SPSB1: variants seen among roughly 807,000 people sequenced by gnomAD.
SPSB1 encodes the protein SPRY domain-containing SOCS box protein 1.
In SPSB1, 8 loss-of-function variants were observed where a neutral mutation model predicts 21.2. The observed-to-expected ratio is 0.38, with a 90% CI of 0.22 to 0.68. The LOEUF (loss-of-function observed/expected upper bound fraction) is 0.68. SPSB1 is among the 30% of genes least tolerant of loss of function. SPSB1 has a pLI of 0.53. For synonymous variants in SPSB1, 169 were observed against 161.7 expected, an observed-to-expected ratio of 1.05 and a Z score of -0.34; for missense variants, 242 against 377.8, an observed-to-expected ratio of 0.64 and a Z score of 2.98.
chr1:9,339,037 C>A (rs976931388), intron 1 of SPSB1, among the ~76,000 whole-genome samples: 13 of 152,148 alleles, frequency 8.5e-5, no homozygotes, highest in African/African-American at 2.9e-4. Flanking sequence ...GTTCTCCAGG[C>A]CAGTGGTAAC....
rs561406278 is a variant in SPSB1 at position 9,305,506 on chromosome 1, G to A, written c.-150+12435G>A. ...CACAGTAGGTTCTTGGACACCTGTCGGATGAAGGAGTAGGTAAGACCGGTG... is the reference window on the plus strand; with the variant it reads ...CACAGTAGGTTCTTGGACACCTGTCAGATGAAGGAGTAGGTAAGACCGGTG... On this transcript the variant is annotated intron_variant, in intron 1 of 2. Transcript: ENST00000328089. The surrounding 1 kb of genome is among the most constrained non-coding windows in gnomAD (Gnocchi z 4.8). Among the ~76,000 whole-genome samples, 6 of 151,190 alleles carry A rather than the reference G, an allele frequency of 4.0e-5. No homozygotes were observed. In the East Asian group the frequency reaches 7.7e-4, roughly 19 times the overall value.
chr1:9,358,137 C>CG (rs908549985), intron 2 of SPSB1, among the ~76,000 whole-genome samples: 5 of 152,206 alleles, frequency 3.3e-5, no homozygotes, highest in Non-Finnish European at 7.3e-5. Context: ...TCCTCCTCCC[C>CG]CACGTCAGCC....
chr1:9,307,769 T>C (rs1639444057), intron 1 of SPSB1, among the ~76,000 whole-genome samples: 1 of 152,242 alleles, frequency 6.6e-6, no homozygotes, highest in African/African-American at 2.4e-5. Flanking sequence ...CGTTGATCTA[T>C]TAAAAATGAC....
intron 1 of SPSB1, among the ~76,000 whole-genome samples, chr1:9,309,805 G>A (rs1639487573): frequency 6.6e-6 from 1 of 152,212 alleles, no homozygotes; most frequent in Admixed American, 6.5e-5. Context: ...CTGCACCATT[G>A]CACTCCAGCC....
At chr1:9,296,600 A>ATACACAAACGTGTGCATGCACACG (rs1254236350) in intron 1 of SPSB1, among the ~76,000 whole-genome samples, 13 of 152,232 alleles carry the variant, frequency 8.5e-5, no homozygotes, top group African/African-American at 2.7e-4. Flanking sequence ...GTACACACAC[A>ATACACAAACGTGTGCATGCACACG]TACATATGCA....
rs577230353 is a variant in SPSB1 at position 9,343,999 on chromosome 1, A to G, written c.-149-11744A>G. 2.4e-3 allele frequency among the ~76,000 whole-genome samples: 367 copies of G among 152,292 alleles called. 2 individuals are homozygous for G. The highest frequency in any genetic ancestry group is 6.0e-3 in the South Asian group (29 of 4,826). On this transcript the variant is annotated intron_variant, in intron 1 of 2. Transcript: ENST00000328089. ...GAGATGGGGTTTCACCGTGTTAGCC[A>G]GGATGGTCTCGATCTCCTGACCTTG...
intron 1 of SPSB1, among the ~76,000 whole-genome samples, chr1:9,314,334 C>T (rs1042427996): frequency 9.2e-5 from 14 of 152,146 alleles, no homozygotes; most frequent in African/African-American, 3.4e-4. Flanking sequence ...ATATACAAGG[C>T]AGCTCTCTGG....
In SPSB1 at chr1:9,368,787, C is replaced by T. The variant is rs1640618245; in HGVS notation, c.*1212C>T. 3 of 152,158 alleles carry T rather than the reference C, an allele frequency of 2.0e-5. No homozygotes were observed. Among genetic ancestry groups the T allele is most frequent in the South Asian group, 4.2e-4 (2 of 4,800 alleles). The allele number at this position is 152,158 out of a possible 1,614,324, so 9.4% of individuals were successfully genotyped here. A position where few individuals can be genotyped will look rare whatever the true frequency, so the allele number is the denominator to read the frequency against. On this transcript the variant is annotated 3_prime_UTR_variant, in exon 3 of 3. Coordinates refer to ENST00000328089, the MANE Select transcript of SPSB1 (RefSeq NM_025106.4). The stretch of plus-strand genomic sequence containing the variant: ...CCAGCGCGGGTCTCTGCTCAGCACC[C>T]CAGCCGGGGCTCTGGACCCAGGGTA...
chr1:9,347,222 A>G (rs561764181), intron 1 of SPSB1, among the ~76,000 whole-genome samples: 1 of 152,324 alleles, frequency 6.6e-6, no homozygotes, highest in South Asian at 2.1e-4. Flanking sequence ...ACCTTCATGG[A>G]TAAAGCATTC....
Position 9,346,219 on chromosome 1 carries a change from G to C in SPSB1, c.-149-9524G>C, listed in dbSNP as rs1194760830. Among the ~76,000 whole-genome samples, 1 of 152,254 alleles carries C rather than the reference G, an allele frequency of 6.6e-6. No individual in the cohort carries two copies. The highest frequency in any genetic ancestry group is 1.5e-5 in the Non-Finnish European group (1 of 68,048). On this transcript the variant is annotated intron_variant, in intron 1 of 2. Coordinates refer to ENST00000328089, the MANE Select transcript of SPSB1 (RefSeq NM_025106.4). This position sits in a 1 kb window ranked among gnomAD's most constrained non-coding sequence, Gnocchi z 4.4. ...GGCGGCAGAGGGAGGGAACTTACGTGATCTTCAGGTGAAAGGAGGCTTTAT... is the reference window on the plus strand; with the variant it reads ...GGCGGCAGAGGGAGGGAACTTACGTCATCTTCAGGTGAAAGGAGGCTTTAT...
intron 1 of SPSB1, among the ~76,000 whole-genome samples, chr1:9,304,917 C>T (rs114361103): frequency 0.011 from 1,704 of 152,244 alleles, 29 homozygotes; most frequent in African/African-American, 0.038. Flanking sequence ...AAGCAATCCT[C>T]CCAAAGTGCT....
intron 1 of SPSB1, among the ~76,000 whole-genome samples, chr1:9,329,508 G>A (rs1639879113): frequency 6.6e-6 from 1 of 151,928 alleles, no homozygotes; most frequent in Non-Finnish European, 1.5e-5. Flanking sequence ...GGACAGCCTG[G>A]CCAACACAAT....
At chr1:9,361,155 T>TC (rs572565124) in intron 2 of SPSB1, among the ~76,000 whole-genome samples, 11,016 of 80,996 alleles carry the variant, frequency 0.14, 1,420 homozygotes, top group East Asian at 0.21. Context: ...TCTGTCATTT[T>TC]CTTTTTTTTT....
At position 9,345,202 on chromosome 1, in the gene SPSB1, C is replaced by T. The variant is rs1054560321; in HGVS notation, c.-149-10541C>T. Among the ~76,000 whole-genome samples the T allele has an allele frequency of 6.6e-6, 1 of 152,154 alleles. No individual in the cohort carries two copies. The highest frequency in any genetic ancestry group is 2.4e-5 in the African/African-American group (1 of 41,410). ...CCCACCTGATCCACCCTGCCTCAAG[C>T]CCCCGTCTCCTGCCTTCTGGGGAGC... On this transcript the variant is annotated intron_variant, in intron 1 of 2. Coordinates refer to ENST00000328089, the MANE Select transcript of SPSB1 (RefSeq NM_025106.4). The surrounding 1 kb of genome is among the most constrained non-coding windows in gnomAD (Gnocchi z 4.8).
chr1:9,315,759 G>A (rs544527945), intron 1 of SPSB1, among the ~76,000 whole-genome samples: 87 of 152,310 alleles, frequency 5.7e-4, no homozygotes, highest in African/African-American at 2.1e-3. Flanking sequence ...ACCTACGGAG[G>A]GACCGCACTG....
At chr1:9,316,780 C>T (rs10864407) in intron 1 of SPSB1, among the ~76,000 whole-genome samples, 12,724 of 152,210 alleles carry the variant, frequency 0.084, 1,512 homozygotes, top group African/African-American at 0.27. Context: ...GTCTGGGGGC[C>T]GCAGCAGCTT....
At chr1:9,325,272 C>G (rs1639800375) in intron 1 of SPSB1, among the ~76,000 whole-genome samples, 1 of 149,792 alleles carries the variant, frequency 6.7e-6, no homozygotes, top group Non-Finnish European at 1.5e-5. Flanking sequence ...GAGAGCTGTC[C>G]CCACTCCTTG....
chr1:9,318,198 G>A (rs1253509783), intron 1 of SPSB1, among the ~76,000 whole-genome samples: 8 of 152,340 alleles, frequency 5.3e-5, no homozygotes, highest in East Asian at 1.9e-4. Flanking sequence ...GTGGGCACCC[G>A]GAGGCCCATG....
At chr1:9,330,800 C>T (rs972959201) in intron 1 of SPSB1, among the ~76,000 whole-genome samples, 3 of 152,006 alleles carry the variant, frequency 2.0e-5, no homozygotes, top group Admixed American at 1.3e-4. Flanking sequence ...AGTACATTAC[C>T]GGATCGTACG....
Sources: gnomAD v4.1 joint callset for allele counts (sites outside exome capture counted in the v4.1 genomes callset) on GRCh38, gnomAD v4.1.1 for gene constraint, Gnocchi (gnomAD v3.1) non-coding constraint, MANE v1.5 for transcripts, NCBI Gene and HGNC (gene_info 2026-07-23, HGNC 2026-07-21) for gene names.